The following HPSE2 variants were observed in gnomAD, a reference collection of about 807,000 sequenced individuals.
HPSE2 encodes inactive heparanase-2.
HPSE2 carries 38 observed loss-of-function variants against 60.5 expected under a neutral mutation model. That is an observed-to-expected ratio of 0.63 (90% CI 0.48 to 0.82). The LOEUF is 0.82. Among genes scored for constraint, HPSE2 ranks in the 40% least tolerant of loss-of-function variants. HPSE2 has a pLI of 0.00. For missense variants in HPSE2, 713 were observed against 740.4 expected (o/e 0.96, Z 0.43); for synonymous variants, 295 against 293.2 (o/e 1.01, Z -0.06).
the HPSE2 span, among the ~76,000 whole-genome samples, chr10:99,276,186 T>C: frequency 6.6e-6 from 1 of 152,214 alleles, no homozygotes; most frequent in Non-Finnish European, 1.5e-5. Context: ...CAATATTCGT[T>C]GGAACAACAA....
intron 3 of HPSE2, among the ~76,000 whole-genome samples, chr10:98,914,598 G>A (rs1320452280): frequency 1.4e-5 from 2 of 146,828 alleles, no homozygotes; most frequent in African/African-American, 5.1e-5. Context: ...AACATCAGCT[G>A]CATGTCTGAT....
intron 2 of HPSE2, among the ~76,000 whole-genome samples, chr10:99,175,792 C>G (rs934640583): frequency 3.9e-5 from 6 of 152,190 alleles, no homozygotes; most frequent in Non-Finnish European, 5.9e-5. Context: ...ACTGCCTCCT[C>G]AAGTGGGTCC....
intron 3 of HPSE2, among the ~76,000 whole-genome samples, chr10:99,113,967 G>T (rs1426678601): frequency 2.0e-5 from 3 of 152,006 alleles, no homozygotes; most frequent in Admixed American, 6.6e-5. Flanking sequence ...GACATTATTA[G>T]TACTATATTT....
intron 2 of HPSE2, among the ~76,000 whole-genome samples, chr10:99,181,099 T>C (rs1009634859): frequency 6.6e-6 from 1 of 152,014 alleles, no homozygotes; most frequent in Non-Finnish European, 1.5e-5. Context: ...TAAATCATTC[T>C]ACTATAAAGA....
intron 9 of HPSE2, among the ~76,000 whole-genome samples, chr10:98,524,126 G>A (rs1282572984): frequency 1.3e-5 from 2 of 152,188 alleles, no homozygotes; most frequent in Non-Finnish European, 2.9e-5. Flanking sequence ...AGAGCCCTGT[G>A]CTTGGCTTAA....
chr10:99,132,949 GGTC>G (rs1845502723), intron 3 of HPSE2, among the ~76,000 whole-genome samples: 3 of 152,152 alleles, frequency 2.0e-5, no homozygotes, highest in Admixed American at 6.5e-5. Context: ...TGGCTCAGAG[GGTC>G]CCACCCCCAC....
intron 9 of HPSE2, among the ~76,000 whole-genome samples, chr10:98,586,709 G>C (rs1338544064): frequency 6.6e-6 from 1 of 152,162 alleles, no homozygotes; most frequent in African/African-American, 2.4e-5. Flanking sequence ...CTTCCTCTTA[G>C]ACTTGATCAG....
At chr10:98,565,661 G>A (rs1944321550) in intron 9 of HPSE2, among the ~76,000 whole-genome samples, 1 of 152,122 alleles carries the variant, frequency 6.6e-6, no homozygotes, top group Non-Finnish European at 1.5e-5. Flanking sequence ...CTTTATAGTA[G>A]AATGATTTAT....
At chr10:98,996,648 G>A (rs972144728) in intron 3 of HPSE2, among the ~76,000 whole-genome samples, 5 of 151,992 alleles carry the variant, frequency 3.3e-5, no homozygotes, top group South Asian at 2.1e-4. Context: ...GATAAACTGC[G>A]GTATATTCAT....
intron 9 of HPSE2, among the ~76,000 whole-genome samples, chr10:98,601,364 G>GA (rs1310461514): frequency 6.6e-6 from 1 of 152,088 alleles, no homozygotes; most frequent in Non-Finnish European, 1.5e-5. Flanking sequence ...TACTATATAA[G>GA]AAAAATGGAA....
At chr10:98,982,559 T>A (rs192533431) in intron 3 of HPSE2, among the ~76,000 whole-genome samples, 1 of 152,168 alleles carries the variant, frequency 6.6e-6, no homozygotes, top group Non-Finnish European at 1.5e-5. Context: ...AGGGAGCTTT[T>A]AAGCAGCTAA....
At chr10:99,086,508 A>G (rs1843326498) in intron 3 of HPSE2, among the ~76,000 whole-genome samples, 1 of 149,750 alleles carries the variant, frequency 6.7e-6, no homozygotes, top group African/African-American at 2.5e-5. Context: ...GCCCGCCACT[A>G]CGCCCGGCTA....
intron 3 of HPSE2, among the ~76,000 whole-genome samples, chr10:98,859,575 G>A (rs1952404396): frequency 6.6e-6 from 1 of 152,096 alleles, no homozygotes; most frequent in Non-Finnish European, 1.5e-5. Flanking sequence ...TCCTGCCCTT[G>A]GACAATGGAG....
chr10:98,562,484 A>G (rs1420789926), intron 9 of HPSE2, among the ~76,000 whole-genome samples: 1 of 152,084 alleles, frequency 6.6e-6, no homozygotes, highest in Non-Finnish European at 1.5e-5. Flanking sequence ...TGGGAGGCTG[A>G]GGCGGGCGGA....
In HPSE2 at chr10:98,811,951, G is replaced by A. The variant is rs1951177771; in HGVS notation, c.611-67895C>T. On this transcript the variant is annotated intron_variant, in intron 3 of 11. Transcript: ENST00000370552. ...ATTGTGAATAATACTATATTTTAAA[G>A]TCTCAATTTGTGATTGTTAATTGTT... 3.3e-5 allele frequency among the ~76,000 whole-genome samples: 5 copies of A among 152,052 alleles called. No homozygotes were observed. The South Asian group carries it at 1.0e-3, about 32-fold the overall frequency.
chr10:98,668,354 A>T (rs547764537), intron 6 of HPSE2, among the ~76,000 whole-genome samples: 1 of 152,320 alleles, frequency 6.6e-6, no homozygotes, highest in South Asian at 2.1e-4. Flanking sequence ...TAATTTACAG[A>T]TTCAGTGTTA....
chr10:98,960,719 T>A (rs781164002), intron 3 of HPSE2, among the ~76,000 whole-genome samples: 15,533 of 67,476 alleles, frequency 0.23, 1,121 homozygotes, highest in African/African-American at 0.39. Flanking sequence ...TTTTTTTTTT[T>A]TGTTTTATTT....
In HPSE2 at chr10:99,144,275, C is replaced by A; in HGVS notation, c.573G>T (p.Glu191Asp). The change falls in exon 3 of 12, where the codon GAG becomes GAT. Residue 191 changes from glutamate (E) to aspartate (D), a missense_variant. Coordinates refer to ENST00000370552, the MANE Select transcript of HPSE2 (RefSeq NM_021828.5). ...GATTACTGTAAGTATTGGAGAATTG[C>A]TCCTTTAGAAGAACCAGATGCATCT... ...AAQMHLVLLK[E>D]QFSNTYSNLI... The A allele has an allele frequency of 1.2e-6, 2 of 1,614,070 alleles. No individual in the cohort carries two copies. The highest frequency in any genetic ancestry group is 1.7e-6 in the Non-Finnish European group (2 of 1,180,008).
chr10:98,938,276 T>C (rs1351634900), intron 3 of HPSE2, among the ~76,000 whole-genome samples: 1 of 143,514 alleles, frequency 7.0e-6, no homozygotes, highest in Non-Finnish European at 1.5e-5. Context: ...AGGCTTCAGA[T>C]GATCAAACTA....
Sources: allele counts gnomAD v4.1 joint callset (sites outside exome capture counted in the v4.1 genomes callset), GRCh38; gene constraint gnomAD v4.1.1; transcripts MANE v1.5; gene names NCBI Gene and HGNC (gene_info 2026-07-23, HGNC 2026-07-21).